SYNJ2: variants seen among roughly 807,000 people sequenced by gnomAD.
SYNJ2 encodes the protein polyphosphatidylinositol phosphatase SYNJ2.
In SYNJ2, 116 loss-of-function variants were observed where a neutral mutation model predicts 141.3. That is an observed-to-expected ratio of 0.82 (90% CI 0.71 to 0.96). The LOEUF (loss-of-function observed/expected upper bound fraction) is 0.96, where lower values mean the gene tolerates loss of function less well. Among genes scored for constraint, SYNJ2 ranks in the 40% least tolerant of loss-of-function variants. The pLI, the probability that SYNJ2 is intolerant of heterozygous loss-of-function variation, is 0.00. For missense variants in SYNJ2, 1,873 were observed against 1,934.8 expected (o/e 0.97, Z 0.60); for synonymous variants, 745 against 777.7 (o/e 0.96, Z 0.70).
At chr6:158,087,123 C>T in intron 23 of SYNJ2, 134 bp downstream of exon 23, 1 of 1,057,392 alleles carries the variant, frequency 9.5e-7, no homozygotes, top group Non-Finnish European at 1.3e-6. Flanking sequence ...CCTCCTTGGG[C>T]TCCGTTTTGT....
chr6:157,985,305 T>C (rs924357310), intron 1 of SYNJ2, among the ~76,000 whole-genome samples: 1 of 152,258 alleles, frequency 6.6e-6, no homozygotes, highest in African/African-American at 2.4e-5. Flanking sequence ...CCGTCTGGCC[T>C]GCTAGCAGGA....
chr6:158,042,105 T>A (rs1349793369), intron 4 of SYNJ2, among the ~76,000 whole-genome samples: 1 of 152,262 alleles, frequency 6.6e-6, no homozygotes, highest in Non-Finnish European at 1.5e-5. Context: ...CGGTCAGTTG[T>A]ATGTACCTAA....
chr6:158,065,959 T>C (rs1781537035), intron 11 of SYNJ2, among the ~76,000 whole-genome samples: 1 of 151,318 alleles, frequency 6.6e-6, no homozygotes, highest in Non-Finnish European at 1.5e-5. Flanking sequence ...AAACAAAACA[T>C]ATCAGACATG....
intron 26 of SYNJ2, among the ~76,000 whole-genome samples, chr6:158,094,713 C>T (rs760938083): frequency 3.9e-5 from 6 of 152,184 alleles, no homozygotes; most frequent in East Asian, 1.9e-4. Flanking sequence ...AACACTGAAA[C>T]GCCAATGTTT....
intron 1 of SYNJ2, among the ~76,000 whole-genome samples, chr6:157,986,730 C>T (rs1240482895): frequency 6.6e-6 from 1 of 152,162 alleles, no homozygotes; most frequent in Non-Finnish European, 1.5e-5. Context: ...TGGCTTTTAG[C>T]CTTTAATTGT....
In SYNJ2 at chr6:157,996,112, C is replaced by T. The variant is rs77398935; in HGVS notation, c.127+14024C>T. ...ATGTAACAGGCTGATTTTACAGTAT[C>T]GCTGGACTCCCCCTACATCCAAACT... On this transcript the variant is annotated intron_variant, in intron 1 of 26. Coordinates refer to ENST00000355585, the MANE Select transcript of SYNJ2 (RefSeq NM_003898.4). Among the ~76,000 whole-genome samples, 37 of 152,320 alleles carry T rather than the reference C, an allele frequency of 2.4e-4. No individual in the cohort carries two copies. In the East Asian group the frequency reaches 6.6e-3, roughly 27 times the overall value.
chr6:158,074,505 T>G, intron 15 of SYNJ2, 75 bp from the exon 16 acceptor site: 17 of 1,501,736 alleles, frequency 1.1e-5, no homozygotes, highest in Non-Finnish European at 1.4e-5. Context: ...CTTGCCCCAG[T>G]GAGCTTGTTT....
intron 1 of SYNJ2, among the ~76,000 whole-genome samples, chr6:158,014,870 G>A (rs1030634005): frequency 2.6e-5 from 4 of 152,254 alleles, no homozygotes; most frequent in Non-Finnish European, 5.9e-5. Context: ...GGGGCTGAGG[G>A]TAGGAAGAGC....
chr6:158,074,883 G>T, intron 16 of SYNJ2, 145 bp downstream of exon 16: 2 of 984,330 alleles, frequency 2.0e-6, no homozygotes, highest in Non-Finnish European at 3.0e-6. Flanking sequence ...GGCTTGTGAG[G>T]TTACAGTACA....
At position 158,071,515 on chromosome 6, in the gene SYNJ2, AGCT is replaced by A; in HGVS notation, c.1941-79_1941-77del. Reference sequence around the variant, plus strand: ...GGAGCACTCAGAGCAGCAGGTCCCGAGCTGCTGCTGGGCCCTTCTCTGTGGCAA... The same window carrying A: ...GGAGCACTCAGAGCAGCAGGTCCCGAGCTGCTGGGCCCTTCTCTGTGGCAA... On this transcript the variant is annotated intron_variant, in intron 14 of 26. Coordinates refer to ENST00000355585, the MANE Select transcript of SYNJ2 (RefSeq NM_003898.4). The surrounding 1 kb of genome is among the most constrained non-coding windows in gnomAD (Gnocchi z 4.3). 2 of 1,475,060 alleles carry A rather than the reference AGCT, an allele frequency of 1.4e-6. No individual in the cohort carries two copies. The highest frequency in any genetic ancestry group is 1.3e-5 in the South Asian group (1 of 77,938). 91.4% of individuals were successfully genotyped at this position (1,475,060 alleles called of 1,614,324 possible).
chr6:158,046,518 A>C (rs1780244791), intron 5 of SYNJ2, among the ~76,000 whole-genome samples: 1 of 152,150 alleles, frequency 6.6e-6, no homozygotes, highest in Admixed American at 6.5e-5. Context: ...CTTAGGTTAG[A>C]TGAAAAGTGC....
At chr6:158,041,612 G>A (rs1779951205) in intron 4 of SYNJ2, among the ~76,000 whole-genome samples, 1 of 152,236 alleles carries the variant, frequency 6.6e-6, no homozygotes, top group Non-Finnish European at 1.5e-5. Flanking sequence ...CAGCTTGGGA[G>A]GAGCCTGATG....
In SYNJ2 at chr6:158,086,851, C is replaced by G. The variant is rs774235378; in HGVS notation, c.3209-4C>G. The G allele has an allele frequency of 1.2e-6, 2 of 1,611,512 alleles. No homozygotes were observed. Among genetic ancestry groups the G allele is most frequent in the African/African-American group, 2.7e-5 (2 of 74,932 alleles). On this transcript the variant is annotated splice_region_variant and splice_polypyrimidine_tract_variant and intron_variant, in intron 22 of 26. Coordinates refer to ENST00000355585, the MANE Select transcript of SYNJ2 (RefSeq NM_003898.4). Reference sequence around the variant, plus strand: ...TTGTACTCATGCCCCGCCATGTCCTCCAGATGACGCGGACCTGGTGGAGCT... The same window carrying G: ...TTGTACTCATGCCCCGCCATGTCCTGCAGATGACGCGGACCTGGTGGAGCT...
intron 1 of SYNJ2, among the ~76,000 whole-genome samples, chr6:157,999,977 C>G (rs1310526127): frequency 6.7e-6 from 1 of 148,944 alleles, no homozygotes; most frequent in Non-Finnish European, 1.5e-5. Context: ...AGCTTATGGT[C>G]CAGGAGTGCA....
In SYNJ2 at chr6:158,097,399, G is replaced by A. The variant is rs962121181; in HGVS notation, c.*1035G>A. 6 of 152,198 alleles carry A rather than the reference G, an allele frequency of 3.9e-5. No homozygotes were observed. Among genetic ancestry groups the A allele is most frequent in the South Asian group, 2.1e-4 (1 of 4,828 alleles). The allele number at this position is 152,198 out of a possible 1,614,324, so 9.4% of individuals were successfully genotyped here. A position where few individuals can be genotyped will look rare whatever the true frequency, so the allele number is the denominator to read the frequency against. ...TTTTTTGCCTATACATTTTTCCCAC[G>A]TTTCCAACAGCACTTCTCACCTATT... On this transcript the variant is annotated 3_prime_UTR_variant, in exon 27 of 27. Coordinates refer to ENST00000355585, the MANE Select transcript of SYNJ2 (RefSeq NM_003898.4).
At position 158,017,187 on chromosome 6, in the gene SYNJ2, ATG is replaced by A; in HGVS notation, c.128-13_128-12del. 5 of 1,612,332 alleles carry A rather than the reference ATG, an allele frequency of 3.1e-6. No homozygotes were observed. Among genetic ancestry groups the A allele is most frequent in the Non-Finnish European group, 4.2e-6 (5 of 1,179,252 alleles). ...GAGACGCTCGCTGATGCCTTCTGTG[ATG>A]TGTTTCTTCCCCAGCTCCAGAAGAA... is the stretch of plus-strand genomic sequence containing the variant. On this transcript the variant is annotated splice_polypyrimidine_tract_variant and intron_variant, in intron 1 of 26. Coordinates refer to ENST00000355585, the MANE Select transcript of SYNJ2 (RefSeq NM_003898.4).
At chr6:158,042,473 A>G (rs1780000126) in intron 4 of SYNJ2, among the ~76,000 whole-genome samples, 2 of 152,254 alleles carry the variant, frequency 1.3e-5, no homozygotes, top group South Asian at 4.1e-4. Context: ...AGCAGCGCCC[A>G]GGCCGCCCTG....
At chr6:157,993,797 G>GT (rs61529071) in intron 1 of SYNJ2, among the ~76,000 whole-genome samples, 704 of 47,828 alleles carry the variant, frequency 0.015, 75 homozygotes, top group Non-Finnish European at 0.019. Context: ...AAATGTGTGG[G>GT]TTTTTTTTTT....
chr6:158,076,624 A>G lies in SYNJ2; in HGVS notation c.2293-2A>G, dbSNP rs1396303103. Reference sequence around the variant, plus strand: ...CCTGATGACTTCTTTTTCTCCCAATAGATTTTTAAGGACTTTCACGAAGGA... The same window carrying G: ...CCTGATGACTTCTTTTTCTCCCAATGGATTTTTAAGGACTTTCACGAAGGA... On this transcript the variant is annotated splice_acceptor_variant, in intron 16 of 26. Transcript: ENST00000355585. LOFTEE classifies it high-confidence loss of function. 3 of 1,610,572 alleles carry G rather than the reference A, an allele frequency of 1.9e-6. No individual in the cohort carries two copies. The African/African-American group carries it at 4.0e-5, about 22-fold the overall frequency.
Sources: allele counts gnomAD v4.1 joint callset (sites outside exome capture counted in the v4.1 genomes callset), GRCh38; gene constraint gnomAD v4.1.1; non-coding constraint Gnocchi (gnomAD v3.1); transcripts MANE v1.5; gene names NCBI Gene and HGNC (gene_info 2026-07-23, HGNC 2026-07-21).